FUT8: variants seen among roughly 807,000 people sequenced by gnomAD.
FUT8 encodes the protein fucosyltransferase 8, also known as alpha-(1,6)-fucosyltransferase.
A neutral mutation model predicts 71.3 loss-of-function variants in FUT8; 29 were observed. That is an observed-to-expected ratio of 0.41 (90% CI 0.30 to 0.55). The LOEUF is 0.55. Among genes scored for constraint, FUT8 ranks in the 20% least tolerant of loss-of-function variants. FUT8 has a pLI of 0.34. For synonymous variants in FUT8, 254 were observed against 239.3 expected, an observed-to-expected ratio of 1.06 and a Z score of -0.57; for missense variants, 544 against 702.1, an observed-to-expected ratio of 0.77 and a Z score of 2.55.
chr14:65,705,849 GTTTTAT>G (rs1894529927), intron 7 of FUT8, among the ~76,000 whole-genome samples: 1 of 152,116 alleles, frequency 6.6e-6, no homozygotes, highest in African/African-American at 2.4e-5. Flanking sequence ...ACTGCTCATT[GTTTTAT>G]TGTCTGTGGT....
At chr14:65,473,558 T>A (rs2066182018) in intron 2 of FUT8, among the ~76,000 whole-genome samples, 1 of 152,226 alleles carries the variant, frequency 6.6e-6, no homozygotes, top group Non-Finnish European at 1.5e-5. Flanking sequence ...AATGATCTCC[T>A]ATATGTGCCA....
chr14:65,473,340 T>C (rs942514051), intron 2 of FUT8, among the ~76,000 whole-genome samples: 7 of 152,206 alleles, frequency 4.6e-5, no homozygotes, highest in African/African-American at 1.7e-4. Context: ...TCTCTTTTTG[T>C]CTGTCTTTTC....
chr14:65,561,387 C>T lies in FUT8; in HGVS notation c.-177C>T. ...CAATAAAGCTTCCTACACATATCAC[C>T]AGGAGGATCTCTTTGAAAGATTCAC... On this transcript the variant is annotated 5_prime_UTR_variant, in exon 3 of 11. Coordinates refer to ENST00000673929, the MANE Select transcript of FUT8 (RefSeq NM_001371533.1). 3.2e-6 allele frequency: 2 copies of T among 620,708 alleles called. No homozygotes were observed. Among genetic ancestry groups the T allele is most frequent in the Admixed American group, 2.9e-5 (1 of 34,692 alleles). The allele number at this position is 620,708 out of a possible 1,614,324, so 38.5% of individuals were successfully genotyped here.
upstream of FUT8, among the ~76,000 whole-genome samples, chr14:65,405,963 C>T (rs1272634243): frequency 6.6e-6 from 1 of 152,196 alleles, no homozygotes; most frequent in Non-Finnish European, 1.5e-5. Flanking sequence ...GGACAGCGGT[C>T]ACACAGCTCT....
At chr14:65,623,966 G>A (rs984631005) in intron 5 of FUT8, among the ~76,000 whole-genome samples, 1 of 152,062 alleles carries the variant, frequency 6.6e-6, no homozygotes, top group Non-Finnish European at 1.5e-5. Flanking sequence ...CTGGTTTCAG[G>A]GTAGAGTTAC....
At chr14:65,716,363 T>G (rs1895058800) in intron 7 of FUT8, among the ~76,000 whole-genome samples, 1 of 151,780 alleles carries the variant, frequency 6.6e-6, no homozygotes, top group Non-Finnish European at 1.5e-5. Flanking sequence ...TTTATCATTA[T>G]ATAGTGACCT....
intron 2 of FUT8, among the ~76,000 whole-genome samples, chr14:65,530,767 T>C (rs1594743956): frequency 6.6e-6 from 1 of 151,494 alleles, no homozygotes; most frequent in East Asian, 2.0e-4. Flanking sequence ...ACTGCCTGTT[T>C]TATGGTGCTC....
intron 1 of FUT8, among the ~76,000 whole-genome samples, chr14:65,424,467 A>G (rs1462707374): frequency 6.6e-6 from 1 of 152,108 alleles, no homozygotes; most frequent in African/African-American, 2.4e-5. Flanking sequence ...GTAAATGATA[A>G]AATAGACTAG....
chr14:65,688,179 T>G (rs1323993674), intron 7 of FUT8, among the ~76,000 whole-genome samples: 1 of 152,212 alleles, frequency 6.6e-6, no homozygotes, highest in Admixed American at 6.5e-5. Flanking sequence ...TAATGTCATT[T>G]ATTCACTGTA....
chr14:65,578,550 T>G (rs1886913196), intron 3 of FUT8, among the ~76,000 whole-genome samples: 1 of 152,152 alleles, frequency 6.6e-6, no homozygotes, highest in Non-Finnish European at 1.5e-5. Context: ...GTTATGAGAT[T>G]TTGTTGCGAT....
intron 3 of FUT8, 116 bp downstream of exon 3, chr14:65,561,882 C>T (rs1478459060): frequency 7.5e-6 from 6 of 801,680 alleles, no homozygotes; most frequent in African/African-American, 6.9e-5. Flanking sequence ...CTGTCTTTGC[C>T]ACAACTTAGC....
intron 7 of FUT8, among the ~76,000 whole-genome samples, chr14:65,698,778 G>A (rs926504236): frequency 6.6e-6 from 1 of 152,096 alleles, no homozygotes; most frequent in African/African-American, 2.4e-5. Flanking sequence ...ATATTATTAA[G>A]TTTATTTATT....
intron 1 of FUT8, among the ~76,000 whole-genome samples, chr14:65,418,088 A>G (rs550887833): frequency 1.3e-5 from 2 of 152,216 alleles, no homozygotes; most frequent in African/African-American, 4.8e-5. Context: ...AGTTTATATC[A>G]TGTAGCAATG....
intron 6 of FUT8, among the ~76,000 whole-genome samples, chr14:65,657,466 A>G (rs1456180603): frequency 6.6e-6 from 1 of 152,128 alleles, no homozygotes; most frequent in Admixed American, 6.6e-5. Flanking sequence ...TGTGATACCT[A>G]TACACAATGG....
chr14:65,543,005 C>T (rs1884769567), intron 2 of FUT8, among the ~76,000 whole-genome samples: 1 of 152,126 alleles, frequency 6.6e-6, no homozygotes, highest in African/African-American at 2.4e-5. Flanking sequence ...TGGTCTCAAA[C>T]CCCTGACCTC....
intron 2 of FUT8, among the ~76,000 whole-genome samples, chr14:65,502,870 C>G (rs1019319822): frequency 1.3e-5 from 2 of 152,058 alleles, no homozygotes; most frequent in South Asian, 2.1e-4. Context: ...TTCAATATGT[C>G]CCTGGGTAAG....
At chr14:65,687,999 G>A (rs945149593) in intron 7 of FUT8, among the ~76,000 whole-genome samples, 1 of 152,074 alleles carries the variant, frequency 6.6e-6, no homozygotes, top group Non-Finnish European at 1.5e-5. Context: ...CAGTGCACTG[G>A]GATTACAGGC....
chr14:65,404,432 A>T, the FUT8 span, among the ~76,000 whole-genome samples: 1 of 150,776 alleles, frequency 6.6e-6, no homozygotes, highest in Non-Finnish European at 1.5e-5. Context: ...TCGGCCTCCC[A>T]AAGTGCTGGG....
intron 3 of FUT8, among the ~76,000 whole-genome samples, chr14:65,588,745 A>C (rs1887526152): frequency 6.6e-6 from 1 of 152,220 alleles, no homozygotes; most frequent in Non-Finnish European, 1.5e-5. Context: ...GAGAAAGACC[A>C]CATTCACCTA....
Sources: allele counts gnomAD v4.1 joint callset (sites outside exome capture counted in the v4.1 genomes callset), GRCh38; gene constraint gnomAD v4.1.1; transcripts MANE v1.5; gene names NCBI Gene and HGNC (gene_info 2026-07-23, HGNC 2026-07-21).